The following CREBBP variants were observed in gnomAD, a reference collection of about 807,000 sequenced individuals.
CREBBP encodes the protein CREB-binding protein.
A neutral mutation model predicts 265.0 loss-of-function variants in CREBBP; 19 were observed. The observed-to-expected ratio is 0.07, with a 90% CI of 0.05 to 0.11. The LOEUF (loss-of-function observed/expected upper bound fraction) is 0.11, where lower values mean the gene tolerates loss of function less well. Among genes scored for constraint, CREBBP ranks in the 10% least tolerant of loss-of-function variants. The pLI, the probability that CREBBP is intolerant of heterozygous loss-of-function variation, is 1.00. For missense variants in CREBBP, 2,525 were observed against 3,219.0 expected (o/e 0.78, Z 5.22); for synonymous variants, 1,457 against 1,223.7 (o/e 1.19, Z -3.98).
chr16:3,805,585 T>C lies in CREBBP; in HGVS notation c.975+5018A>G, dbSNP rs564480540. On this transcript the variant is annotated intron_variant, in intron 3 of 30. Coordinates refer to ENST00000262367, the MANE Select transcript of CREBBP (RefSeq NM_004380.3). ...TCCTGGCGTTCACGAAGCTTAACCC[T>C]ATGCAGCCAGTTTAAGTCTTGCTCC... Among the ~76,000 whole-genome samples, 8 of 152,298 alleles carry C rather than the reference T, an allele frequency of 5.3e-5. No homozygotes were observed. In the East Asian group the frequency reaches 1.3e-3, roughly 26 times the overall value.
intron 28 of CREBBP, among the ~76,000 whole-genome samples, chr16:3,734,381 C>T (rs1284152435): frequency 1.3e-5 from 2 of 152,128 alleles, no homozygotes; most frequent in African/African-American, 2.4e-5. Context: ...CTCAGCATCC[C>T]GCCTCCTAAC....
chr16:3,773,951 C>T (rs1337273623), intron 12 of CREBBP, 21 bp from the exon 13 acceptor site: 1 of 1,612,006 alleles, frequency 6.2e-7, no homozygotes, highest in Non-Finnish European at 8.5e-7. Context: ...ACAAGCACCA[C>T]CAGAGCTGTA....
intron 3 of CREBBP, among the ~76,000 whole-genome samples, chr16:3,803,246 T>A: frequency 2.8e-5 from 1 of 36,038 alleles, no homozygotes; most frequent in Admixed American, 3.6e-4. Flanking sequence ...CCCAGCACTT[T>A]GGGAGGCTGA....
At chr16:3,853,505 G>T (rs1296335023) in intron 1 of CREBBP, among the ~76,000 whole-genome samples, 2 of 152,126 alleles carry the variant, frequency 1.3e-5, no homozygotes, top group Non-Finnish European at 2.9e-5. Flanking sequence ...AGCTACTCTG[G>T]AGGCTGAGGC....
In CREBBP at chr16:3,853,630, A is replaced by G. The variant is rs972491762; in HGVS notation, c.86-2621T>C. On this transcript the variant is annotated intron_variant, in intron 1 of 30. Transcript: ENST00000262367. ...GAGTGAGACTCCATCTCAAAAAAAC[A>G]AACAAACAAAAAACACCATACATCG... Among the ~76,000 whole-genome samples, 5 of 148,836 alleles carry G rather than the reference A, an allele frequency of 3.4e-5. No individual in the cohort carries two copies. The Admixed American group carries it at 3.4e-4, about 10-fold the overall frequency.
chr16:3,863,914 G>A (rs931565728), intron 1 of CREBBP, among the ~76,000 whole-genome samples: 4 of 152,146 alleles, frequency 2.6e-5, no homozygotes, highest in Non-Finnish European at 5.9e-5. Context: ...TCTGGGACAG[G>A]GGAGCAAAAA....
intron 1 of CREBBP, among the ~76,000 whole-genome samples, chr16:3,867,639 C>T (rs1224452640): frequency 6.6e-6 from 1 of 151,530 alleles, no homozygotes. Flanking sequence ...AAGCCTGGGC[C>T]GAGCATAGTG....
intron 20 of CREBBP, among the ~76,000 whole-genome samples, chr16:3,750,781 G>A (rs2052454752): frequency 6.6e-6 from 1 of 152,196 alleles, no homozygotes; most frequent in African/African-American, 2.4e-5. Context: ...TGGGGTTGGA[G>A]AACACTGGAA....
In CREBBP at chr16:3,729,039, G is replaced by T. The variant is rs1202400845; in HGVS notation, c.6008C>A (p.Pro2003His). The T allele has an allele frequency of 6.3e-7, 1 of 1,588,022 alleles. No individual in the cohort carries two copies. The change falls in exon 31 of 31, where the codon CCC (proline) becomes CAC (histidine). Residue 2003 changes from proline (P) to histidine (H), a missense_variant. Coordinates refer to ENST00000262367, the MANE Select transcript of CREBBP (RefSeq NM_004380.3). ...GGGCCCGCTCACCTGGTTGGGTCGG[G>T]GCACATTCAGGCTCACGGGGGCCAT... The part of the protein sequence containing the change: ...SQMAPVSLNV[P>H]RPNQVSGPVM...
chr16:3,765,011 GCT>G (rs1480045512), intron 16 of CREBBP, among the ~76,000 whole-genome samples: 1 of 150,904 alleles, frequency 6.6e-6, no homozygotes, highest in Non-Finnish European at 1.5e-5. Context: ...ACGGCGTCTC[GCT>G]CTGTCTCCCA....
At chr16:3,777,589 G>A (rs1405456081) in intron 11 of CREBBP, 24 bp downstream of exon 11, 1 of 1,613,046 alleles carries the variant, frequency 6.2e-7, no homozygotes, top group Non-Finnish European at 8.5e-7. Flanking sequence ...ACTAAAATAT[G>A]ATTCACCACA....
At chr16:3,821,263 G>A (rs887323340) in intron 2 of CREBBP, among the ~76,000 whole-genome samples, 5 of 152,210 alleles carry the variant, frequency 3.3e-5, no homozygotes, top group African/African-American at 1.2e-4. Flanking sequence ...ACTCCTGGGA[G>A]ATGTTGCTAC....
intron 2 of CREBBP, among the ~76,000 whole-genome samples, chr16:3,837,934 C>T (rs1339346374): frequency 6.6e-6 from 1 of 152,180 alleles, no homozygotes; most frequent in African/African-American, 2.4e-5. Context: ...CACTCATCCA[C>T]AGCAACTTCC....
Position 3,810,609 on chromosome 16 carries a change from T to C in CREBBP, c.969A>G (p.Pro323=). The change falls in exon 3 of 31, where the codon CCA becomes CCG. Residue 323 remains proline (P), a synonymous_variant. Coordinates refer to ENST00000262367, the MANE Select transcript of CREBBP (RefSeq NM_004380.3). ...DIKNTSVTNV[P]NMSQMQTSVG... is the part of the protein sequence containing the mutation. ...AGGGCCAAGGGTAACTTACCATATT[T>C]GGCACGTTGGTGACTGAAGTATTCT... 6.2e-7 allele frequency: 1 copy of C among 1,613,656 alleles called. No individual in the cohort carries two copies. The highest frequency in any genetic ancestry group is 8.5e-7 in the Non-Finnish European group (1 of 1,179,982).
rs376189471 is a variant in CREBBP, at chr16:3,748,199, A to G, written c.3836+1428T>C. On this transcript the variant is annotated intron_variant, in intron 21 of 30. Transcript: ENST00000262367. ...GAGGCCAAGGCAGAGAATTGCTTGA[A>G]TCTGGGAGGCGGAGGCTGCAGTGAG... 5.9e-5 allele frequency among the ~76,000 whole-genome samples: 9 copies of G among 152,230 alleles called. No individual in the cohort carries two copies. In the South Asian group the frequency reaches 1.2e-3, roughly 21 times the overall value.
chr16:3,739,393 C>A lies in CREBBP; in HGVS notation c.4280+185G>T. On this transcript the variant is annotated intron_variant, in intron 25 of 30. Transcript: ENST00000262367. ...CACAAAACACGCTCACTGCAGTCATCTCAACAGTTCATTTCCCGCTAGTTT... is the reference window on the plus strand; with the variant it reads ...CACAAAACACGCTCACTGCAGTCATATCAACAGTTCATTTCCCGCTAGTTT... 3 of 699,346 alleles carry A rather than the reference C, an allele frequency of 4.3e-6. No individual in the cohort carries two copies. In the Admixed American group the frequency reaches 7.8e-5, roughly 18 times the overall value. 43.3% of individuals were successfully genotyped at this position (699,346 alleles called of 1,614,324 possible).
In CREBBP at chr16:3,853,961, A is replaced by C. The variant is rs113568699; in HGVS notation, c.86-2952T>G. On this transcript the variant is annotated intron_variant, in intron 1 of 30. Transcript: ENST00000262367. ...TCAAAAACAAACAAACAAACAAACAAACACACACACACACACACACACGAA... is the reference window on the plus strand; with the variant it reads ...TCAAAAACAAACAAACAAACAAACACACACACACACACACACACACACGAA... 1.6e-3 allele frequency among the ~76,000 whole-genome samples: 230 copies of C among 145,226 alleles called. 2 individuals carry two copies. Among genetic ancestry groups the C allele is most frequent in the African/African-American group, 4.3e-3 (159 of 37,366 alleles).
intron 21 of CREBBP, among the ~76,000 whole-genome samples, chr16:3,747,922 T>G (rs964838876): frequency 3.9e-5 from 6 of 152,074 alleles, no homozygotes; most frequent in Non-Finnish European, 8.8e-5. Flanking sequence ...ACCCCGTCTC[T>G]ACTAAAAATA....
intron 2 of CREBBP, among the ~76,000 whole-genome samples, chr16:3,825,566 G>C (rs1416835493): frequency 6.6e-6 from 1 of 151,908 alleles, no homozygotes; most frequent in African/African-American, 2.4e-5. Context: ...AGAGCACTCA[G>C]AAAAGGGGTT....
Sources: gnomAD v4.1 joint callset for allele counts (sites outside exome capture counted in the v4.1 genomes callset) on GRCh38, gnomAD v4.1.1 for gene constraint, MANE v1.5 for transcripts, NCBI Gene and HGNC (gene_info 2026-07-23, HGNC 2026-07-21) for gene names.